The following FAAH2 variants were observed in gnomAD, a reference collection of about 807,000 sequenced individuals.
FAAH2 encodes the protein fatty acid amide hydrolase 2.
In FAAH2, 60 loss-of-function variants were observed where a neutral mutation model predicts 36.9. That is an observed-to-expected ratio of 1.63 (90% confidence interval 1.32 to 2.02). FAAH2 has a LOEUF of 2.02. Among genes scored for constraint, FAAH2 ranks in the 30% most tolerant of loss-of-function variants. The probability of loss-of-function intolerance (pLI) is 0.00; values close to 1 mark genes in which losing one functional copy is unlikely to be tolerated. For synonymous variants in FAAH2, 214 were observed against 143.8 expected, an observed-to-expected ratio of 1.49 and a Z score of -3.49; for missense variants, 689 against 397.5, an observed-to-expected ratio of 1.73 and a Z score of -6.23.
intron 5 of FAAH2, among the ~76,000 whole-genome samples, chrX:57,349,279 A>G (rs767214114): frequency 0.013 from 1,276 of 95,923 alleles, 24 homozygotes; most frequent in African/African-American, 0.044. Flanking sequence ...ACATATATAC[A>G]TATATACATA....
chrX:57,387,582 C>A, intron 7 of FAAH2, among the ~76,000 whole-genome samples: 1 of 110,988 alleles, frequency 9.0e-6, no homozygotes, highest in East Asian at 2.8e-4. Context: ...ACTAAGAGTC[C>A]TAAAATGAGT....
the FAAH2 span, among the ~76,000 whole-genome samples, chrX:57,162,904 C>G: frequency 5.0e-4 from 57 of 113,003 alleles, no homozygotes; most frequent in Admixed American, 3.7e-4. Flanking sequence ...TTGCTGGTAA[C>G]GAACTGCGTT....
chrX:57,327,994 A>G (rs867419662), intron 3 of FAAH2, among the ~76,000 whole-genome samples: 1 of 110,926 alleles, frequency 9.0e-6, no homozygotes, highest in Non-Finnish European at 1.9e-5. Context: ...GTCTTTGATG[A>G]TGTGATGTAC....
At chrX:57,461,030 C>T (rs915745373) in intron 10 of FAAH2, among the ~76,000 whole-genome samples, 5 of 110,187 alleles carry the variant, frequency 4.5e-5, no homozygotes, top group African/African-American at 1.7e-4. Flanking sequence ...GACTGCAAAC[C>T]AACAATGACC....
chrX:57,130,286 C>T, the FAAH2 span, among the ~76,000 whole-genome samples: 19 of 112,346 alleles, frequency 1.7e-4, no homozygotes, highest in African/African-American at 4.5e-4. Context: ...AAAGATAGTT[C>T]GGGCTATTGT....
the FAAH2 span, chrX:57,134,694 T>C: frequency 9.0e-6 from 1 of 111,716 alleles, no homozygotes; most frequent in African/African-American, 3.3e-5. Flanking sequence ...GGCACATCTC[T>C]TAAGTTCTGA....
intron 10 of FAAH2, among the ~76,000 whole-genome samples, chrX:57,469,055 T>G (rs768668932): frequency 3.6e-5 from 4 of 111,417 alleles, no homozygotes; most frequent in Non-Finnish European, 5.7e-5. Flanking sequence ...TGCTGAGAGA[T>G]TTTATCACTA....
intron 5 of FAAH2, among the ~76,000 whole-genome samples, chrX:57,352,738 A>G (rs2054057755): frequency 9.0e-6 from 1 of 111,274 alleles, no homozygotes. Context: ...AAAATATTTA[A>G]ATTTGATAAA....
upstream of FAAH2, among the ~76,000 whole-genome samples, chrX:57,281,942 A>G (rs1417929293): frequency 8.9e-6 from 1 of 111,838 alleles, no homozygotes; most frequent in Non-Finnish European, 1.9e-5. Flanking sequence ...GTGTATATGT[A>G]CCACATTTTT....
intron 5 of FAAH2, among the ~76,000 whole-genome samples, chrX:57,361,688 T>G (rs910003477): frequency 1.8e-5 from 2 of 111,395 alleles, no homozygotes; most frequent in Non-Finnish European, 3.8e-5. Context: ...TTGTAAGACT[T>G]TCTTTGTAGC....
At chrX:57,267,805 C>A in the FAAH2 span, among the ~76,000 whole-genome samples, 5 of 112,112 alleles carry the variant, frequency 4.5e-5, no homozygotes, top group Non-Finnish European at 9.4e-5. Flanking sequence ...ATATCACAAT[C>A]AAACACTCAT....
the FAAH2 span, among the ~76,000 whole-genome samples, chrX:57,163,468 C>G: frequency 8.9e-6 from 1 of 111,782 alleles, no homozygotes; most frequent in Non-Finnish European, 1.9e-5. Context: ...GCCTCGCTGC[C>G]GCCTTGCAGT....
chrX:57,263,040 T>C, the FAAH2 span, among the ~76,000 whole-genome samples: 1 of 111,148 alleles, frequency 9.0e-6, no homozygotes. Context: ...TCCCCTAAAA[T>C]TAGGAAACAG....
chrX:57,373,368 T>C (rs1442697926), intron 5 of FAAH2, among the ~76,000 whole-genome samples: 1 of 103,182 alleles, frequency 9.7e-6, no homozygotes, highest in Non-Finnish European at 2.0e-5. Flanking sequence ...TGTTTCTTTT[T>C]CAATGCATCC....
Position 57,480,669 on chromosome X carries a change from A to AT in FAAH2, c.1424-8082dup, listed in dbSNP as rs775363133. Reference sequence around the variant, plus strand: ...ACCTTTCTTTTTGGCTGCTGTTAACATTTTTTCCTTCATTTCAATATTGGA... The same window carrying AT: ...ACCTTTCTTTTTGGCTGCTGTTAACATTTTTTTCCTTCATTTCAATATTGGA... On this transcript the variant is annotated intron_variant, in intron 10 of 10. Coordinates refer to ENST00000374900, the MANE Select transcript of FAAH2 (RefSeq NM_174912.4). 2.3e-3 allele frequency among the ~76,000 whole-genome samples: 260 copies of AT among 110,874 alleles called. 1 individual carries two copies. The highest frequency in any genetic ancestry group is 8.2e-3 in the African/African-American group (251 of 30,472).
At chrX:57,273,243 G>A in the FAAH2 span, among the ~76,000 whole-genome samples, 86 of 111,497 alleles carry the variant, frequency 7.7e-4, no homozygotes, top group Non-Finnish European at 1.3e-3. Context: ...CCCAATACAG[G>A]AGCACACATA....
chrX:57,389,293 C>CATATAT (rs371786189), intron 7 of FAAH2, among the ~76,000 whole-genome samples: 5 of 94,621 alleles, frequency 5.3e-5, no homozygotes, highest in Admixed American at 2.4e-4. Flanking sequence ...CACACACACA[C>CATATAT]ATATATATAT....
At chrX:57,480,340 G>T (rs2057357006) in intron 10 of FAAH2, among the ~76,000 whole-genome samples, 1 of 111,951 alleles carries the variant, frequency 8.9e-6, no homozygotes, top group African/African-American at 3.2e-5. Context: ...TATCCTCGAT[G>T]AACATTGATG....
the FAAH2 span, among the ~76,000 whole-genome samples, chrX:57,161,394 A>C: frequency 9.0e-6 from 1 of 111,241 alleles, no homozygotes; most frequent in Non-Finnish European, 1.9e-5. Context: ...TGCAGAGCTG[A>C]GTTCGGCTCC....
Sources: gnomAD v4.1 joint callset for allele counts (sites outside exome capture counted in the v4.1 genomes callset) on GRCh38, gnomAD v4.1.1 for gene constraint, MANE v1.5 for transcripts, NCBI Gene and HGNC (gene_info 2026-07-23, HGNC 2026-07-21) for gene names.